Variants in NEMF observed in about 807,000 individuals in gnomAD.
NEMF encodes ribosome quality control complex subunit NEMF.
In NEMF, 89 loss-of-function variants were observed where a neutral mutation model predicts 162.2. That is an observed-to-expected ratio of 0.55 (90% CI 0.46 to 0.65). The LOEUF (loss-of-function observed/expected upper bound fraction) is 0.65. NEMF is among the 30% of genes least tolerant of loss of function. The pLI is 0.00. For missense variants in NEMF, 1,133 were observed against 1,261.9 expected, an observed-to-expected ratio of 0.90 and a Z score of 1.55; for synonymous variants, 421 against 404.5, an observed-to-expected ratio of 1.04 and a Z score of -0.49.
intron 15 of NEMF, among the ~76,000 whole-genome samples, chr14:49,827,158 G>A (rs1212690151): frequency 6.6e-6 from 1 of 152,098 alleles, no homozygotes; most frequent in African/African-American, 2.4e-5. Flanking sequence ...GCAACTGGAA[G>A]AGAAAAAGGA....
intron 16 of NEMF, among the ~76,000 whole-genome samples, chr14:49,817,848 C>G (rs1263820709): frequency 2.6e-5 from 4 of 152,298 alleles, no homozygotes; most frequent in African/African-American, 4.8e-5. Flanking sequence ...CAGGACTACT[C>G]AGCTTCACAG....
At chr14:49,820,903 G>A (rs1364853590) in intron 16 of NEMF, among the ~76,000 whole-genome samples, 1 of 152,092 alleles carries the variant, frequency 6.6e-6, no homozygotes, top group Non-Finnish European at 1.5e-5. Flanking sequence ...TGCAGACGGA[G>A]TCTCGTTAAC....
intron 1 of NEMF, 63 bp from the exon 2 acceptor site, chr14:49,851,938 A>T (rs574051032): frequency 9.9e-7 from 1 of 1,013,440 alleles, no homozygotes; most frequent in African/African-American, 1.6e-5. Context: ...AACTACACAT[A>T]ATTTAATAAA....
At chr14:49,803,141 ATTTG>A (rs2139864583) in intron 20 of NEMF, 92 bp downstream of exon 20, 1 of 935,612 alleles carries the variant, frequency 1.1e-6, no homozygotes, top group East Asian at 2.6e-5. Context: ...AATCCGAGTA[ATTTG>A]TTTTTGTTCT....
intron 28 of NEMF, among the ~76,000 whole-genome samples, chr14:49,788,426 T>C (rs1890281791): frequency 6.6e-6 from 1 of 152,164 alleles, no homozygotes; most frequent in Admixed American, 6.6e-5. Context: ...ACCAGAGTAC[T>C]TGGCTCTTAA....
At chr14:49,815,173 T>C (rs1362365654) in intron 16 of NEMF, among the ~76,000 whole-genome samples, 1 of 152,244 alleles carries the variant, frequency 6.6e-6, no homozygotes, top group Non-Finnish European at 1.5e-5. Flanking sequence ...TCCTTAGGTT[T>C]AGCTTTCTTT....
At position 49,833,571 on chromosome 14, in the gene NEMF, G is replaced by C. The variant is rs984597965; in HGVS notation, c.662-75C>G. 6.9e-6 allele frequency: 6 copies of C among 873,008 alleles called. No individual in the cohort carries two copies. In the Admixed American group the frequency reaches 1.4e-4, roughly 20 times the overall value. 54.1% of individuals were successfully genotyped at this position (873,008 alleles called of 1,614,324 possible). On this transcript the variant is annotated intron_variant, in intron 7 of 32. Transcript: ENST00000298310. ...TTAACCGTGGCTAAACAACTATGTA[G>C]AAAAACAGGAAAGTGCTTACAAAAT...
intron 28 of NEMF, chr14:49,786,982 G>A: frequency 8.8e-6 from 4 of 453,236 alleles, no homozygotes; most frequent in South Asian, 3.6e-5. Context: ...AGAGAAGAAG[G>A]GTAGTTCTCT....
intron 25 of NEMF, among the ~76,000 whole-genome samples, chr14:49,797,622 C>T (rs1020797445): frequency 5.3e-5 from 8 of 152,034 alleles, no homozygotes; most frequent in East Asian, 1.9e-4. Flanking sequence ...GGCCACAGAG[C>T]GAGACTCCGT....
intron 16 of NEMF, among the ~76,000 whole-genome samples, chr14:49,822,075 G>A (rs1003374942): frequency 4.6e-5 from 7 of 151,910 alleles, no homozygotes; most frequent in Non-Finnish European, 7.4e-5. Flanking sequence ...TAAGGGCGGT[G>A]CAAGATGTGC....
intron 19 of NEMF, among the ~76,000 whole-genome samples, chr14:49,805,141 A>G (rs915396801): frequency 2.6e-5 from 4 of 152,226 alleles, no homozygotes; most frequent in African/African-American, 7.2e-5. Flanking sequence ...GCACTGAGGT[A>G]GCAATTTATA....
At chr14:49,797,980 C>A (rs909035438) in intron 25 of NEMF, among the ~76,000 whole-genome samples, 2 of 152,148 alleles carry the variant, frequency 1.3e-5, no homozygotes, top group Non-Finnish European at 2.9e-5. Context: ...GTCAGGTTAA[C>A]TGGTGTGTGT....
At chr14:49,786,608 C>G in intron 29 of NEMF, 110 bp downstream of exon 29, 1 of 1,020,886 alleles carries the variant, frequency 9.8e-7, no homozygotes, top group Non-Finnish European at 1.5e-6. Context: ...GACTTCGTAG[C>G]CTGCAGTCTT....
intron 4 of NEMF, among the ~76,000 whole-genome samples, chr14:49,843,128 ATCATATCAAATG>A (rs907221779): frequency 6.6e-6 from 1 of 152,158 alleles, no homozygotes; most frequent in African/African-American, 2.4e-5. Context: ...GCTCTAAGAG[ATCATATCAAATG>A]TTGCTAAGGA....
At chr14:49,829,287 T>C in intron 12 of NEMF, 25 bp from the exon 13 acceptor site, 1 of 1,613,198 alleles carries the variant, frequency 6.2e-7, no homozygotes, top group Non-Finnish European at 8.5e-7. Flanking sequence ...CACACACATT[T>C]ACTACATTGC....
At chr14:49,836,208 A>G (rs1434925992) in intron 6 of NEMF, among the ~76,000 whole-genome samples, 1 of 151,982 alleles carries the variant, frequency 6.6e-6, no homozygotes, top group Non-Finnish European at 1.5e-5. Flanking sequence ...GAACCCAGGA[A>G]ATGGAGGTTG....
intron 3 of NEMF, among the ~76,000 whole-genome samples, chr14:49,847,980 C>T (rs1305021707): frequency 3.4e-5 from 5 of 149,068 alleles, no homozygotes; most frequent in Non-Finnish European, 7.4e-5. Flanking sequence ...TACAGTGAGC[C>T]GAGATGACAC....
chr14:49,799,696 A>C lies in NEMF; in HGVS notation c.2373-18T>G. ...GGATGGACCTATGAAAATAAACACA[A>C]GGGAGTCTCTACTAGCCTGTAAAAG... On this transcript the variant is annotated intron_variant, in intron 23 of 32. Transcript: ENST00000298310. 1.2e-6 allele frequency: 2 copies of C among 1,603,420 alleles called. No homozygotes were observed. Among genetic ancestry groups the C allele is most frequent in the Middle Eastern group, 1.7e-4 (1 of 6,004 alleles).
intron 23 of NEMF, among the ~76,000 whole-genome samples, chr14:49,800,062 G>A (rs1319876623): frequency 6.6e-6 from 1 of 152,154 alleles, no homozygotes; most frequent in Non-Finnish European, 1.5e-5. Flanking sequence ...AGACTGTTCT[G>A]AATTACCCCT....
Sources: allele counts gnomAD v4.1 joint callset (sites outside exome capture counted in the v4.1 genomes callset), GRCh38; gene constraint gnomAD v4.1.1; transcripts MANE v1.5; gene names NCBI Gene and HGNC (gene_info 2026-07-23, HGNC 2026-07-21).